SBNO2: variants seen among roughly 807,000 people sequenced by gnomAD.
SBNO2 encodes the protein strawberry notch homolog 2, also known as protein strawberry notch homolog 2.
In SBNO2, 89 loss-of-function variants were observed where a neutral mutation model predicts 146.3. The observed-to-expected ratio is 0.61, with a 90% CI of 0.51 to 0.73. SBNO2 has a LOEUF of 0.73. Among genes scored for constraint, SBNO2 ranks in the 30% least tolerant of loss-of-function variants. The pLI, the probability that SBNO2 is intolerant of heterozygous loss-of-function variation, is 0.00. For missense variants in SBNO2, 2,092 were observed against 2,003.7 expected, an observed-to-expected ratio of 1.04 and a Z score of -0.84; for synonymous variants, 1,147 against 892.6, an observed-to-expected ratio of 1.29 and a Z score of -5.08.
intron 3 of SBNO2, among the ~76,000 whole-genome samples, chr19:1,147,764 C>A (rs2080207333): frequency 2.0e-5 from 3 of 152,120 alleles, no homozygotes; most frequent in Admixed American, 2.0e-4. Context: ...GAACCCCAGC[C>A]TGGCCATCCC....
chr19:1,108,803 T>C lies in SBNO2; in HGVS notation c.3592A>G (p.Thr1198Ala). 6.2e-7 allele frequency: 1 copy of C among 1,603,096 alleles called. No homozygotes were observed. Among genetic ancestry groups the C allele is most frequent in the Non-Finnish European group, 8.5e-7 (1 of 1,178,962 alleles). ...SSYLQIVRLKTKDRKKQVGIK... is the reference protein window; with the variant it reads ...SSYLQIVRLKAKDRKKQVGIK... ...CCCACTTGCTTCTTCCTGTCCTTGG[T>C]CTTCAGCCGCACGATCTGCAGGTAG... The change falls in exon 31 of 32, where the codon ACC becomes GCC. Residue 1198 changes from threonine to alanine, a missense_variant. Transcript: ENST00000361757.
At chr19:1,138,874 C>A (rs1452339968) in intron 4 of SBNO2, among the ~76,000 whole-genome samples, 1 of 151,322 alleles carries the variant, frequency 6.6e-6, no homozygotes, top group East Asian at 1.9e-4. Flanking sequence ...GCCCTCCATG[C>A]GTCCATCACG....
Position 1,125,315 on chromosome 19 carries a change from C to T in SBNO2, c.442-1293G>A, listed in dbSNP as rs1284290547. Among the ~76,000 whole-genome samples the T allele has an allele frequency of 4.1e-5, 6 of 146,920 alleles. No individual in the cohort carries two copies. The East Asian group carries it at 6.0e-4, about 15-fold the overall frequency. ...CAGAGGTTGCAGTGAGCTGAGATCA[C>T]GCCATTGTACTCCAGCCTGGGTGAC... On this transcript the variant is annotated intron_variant, in intron 5 of 31. Transcript: ENST00000361757.
intron 4 of SBNO2, among the ~76,000 whole-genome samples, chr19:1,143,877 C>A (rs2080162120): frequency 6.6e-6 from 1 of 152,218 alleles, no homozygotes; most frequent in South Asian, 2.1e-4. Flanking sequence ...ATCACTCAGT[C>A]CCATCTGCAG....
intron 4 of SBNO2, among the ~76,000 whole-genome samples, chr19:1,134,523 C>T (rs556878600): frequency 6.6e-6 from 1 of 152,312 alleles, no homozygotes; most frequent in South Asian, 2.1e-4. Flanking sequence ...ACCTCACACT[C>T]AGTGAAAGAC....
rs1384381103 is a variant in SBNO2 at position 1,136,803 on chromosome 19, G to A, written c.280-9038C>T. Reference sequence around the variant, plus strand: ...TGAAAGCAGCCAGAGTTTGCAAAGCGCTTTTCTGAGCCGTGAGCTCATCCT... The same window carrying A: ...TGAAAGCAGCCAGAGTTTGCAAAGCACTTTTCTGAGCCGTGAGCTCATCCT... On this transcript the variant is annotated intron_variant, in intron 4 of 31. Coordinates refer to ENST00000361757, the MANE Select transcript of SBNO2 (RefSeq NM_014963.3). The surrounding 1 kb of genome is among the most constrained non-coding windows in gnomAD (Gnocchi z 4.2). Among the ~76,000 whole-genome samples, 4 of 152,136 alleles carry A rather than the reference G, an allele frequency of 2.6e-5. No individual in the cohort carries two copies. Among genetic ancestry groups the A allele is most frequent in the South Asian group, 4.1e-4 (2 of 4,828 alleles).
At chr19:1,135,666 T>C (rs1329115725) in intron 4 of SBNO2, among the ~76,000 whole-genome samples, 1 of 152,334 alleles carries the variant, frequency 6.6e-6, no homozygotes, top group Admixed American at 6.5e-5. Context: ...GCAGCAACGC[T>C]GACCGAGGGC....
chr19:1,147,025 C>T (rs937700509), intron 4 of SBNO2, among the ~76,000 whole-genome samples: 2 of 152,162 alleles, frequency 1.3e-5, no homozygotes, highest in Admixed American at 1.3e-4. Context: ...CCCAGCACCG[C>T]CCTCCCCGCA....
chr19:1,128,677 G>A (rs2079995063), intron 4 of SBNO2, among the ~76,000 whole-genome samples: 1 of 150,630 alleles, frequency 6.6e-6, no homozygotes, highest in African/African-American at 2.4e-5. Flanking sequence ...ACAGGCGTGA[G>A]CCACCGTGTC....
At chr19:1,123,207 G>C (rs1331699234) in intron 7 of SBNO2, among the ~76,000 whole-genome samples, 162 bp from the exon 8 acceptor site, 2 of 151,926 alleles carry the variant, frequency 1.3e-5, no homozygotes, top group African/African-American at 4.8e-5. Flanking sequence ...GGCCAGGAAT[G>C]CCTGGGTGGA....
rs970149540 is a variant in SBNO2 at position 1,108,097 on chromosome 19, A to C, written c.*123T>G. 8.8e-7 allele frequency: 1 copy of C among 1,133,072 alleles called. No individual in the cohort carries two copies. The highest frequency in any genetic ancestry group is 1.2e-6 in the Non-Finnish European group (1 of 865,438). 70.2% of individuals were successfully genotyped at this position (1,133,072 alleles called of 1,614,324 possible). A position where few individuals can be genotyped will look rare whatever the true frequency, so the allele number is the denominator to read the frequency against. On this transcript the variant is annotated 3_prime_UTR_variant, in exon 32 of 32. Coordinates refer to ENST00000361757, the MANE Select transcript of SBNO2 (RefSeq NM_014963.3). ...GGGGCCCGGGTCGGGCGCTGAAGGC[A>C]CTGCGGCCAGGGCCTAGGGCTCCTC...
chr19:1,119,679 G>A, intron 12 of SBNO2, 58 bp from the exon 13 acceptor site: 1 of 1,439,750 alleles, frequency 6.9e-7, no homozygotes, highest in African/African-American at 1.4e-5. Context: ...GGCCGCGTCA[G>A]GGGACGACTA....
At chr19:1,167,411 G>A (rs1432816564) in intron 1 of SBNO2, among the ~76,000 whole-genome samples, 1 of 152,212 alleles carries the variant, frequency 6.6e-6, no homozygotes, top group Non-Finnish European at 1.5e-5. Context: ...CCTGGGCCCT[G>A]GTCTGGGTTC....
In SBNO2 at chr19:1,110,719, C is replaced by T; in HGVS notation, c.3028+26G>A. 2 of 1,612,654 alleles carry T rather than the reference C, an allele frequency of 1.2e-6. No homozygotes were observed. The highest frequency in any genetic ancestry group is 1.7e-6 in the Non-Finnish European group (2 of 1,179,308). On this transcript the variant is annotated intron_variant, in intron 26 of 31. Coordinates refer to ENST00000361757, the MANE Select transcript of SBNO2 (RefSeq NM_014963.3). The surrounding 1 kb of genome is among the most constrained non-coding windows in gnomAD (Gnocchi z 4.9). The stretch of plus-strand genomic sequence containing the variant: ...CGAGCCCCGCACCCACACCCACCCA[C>T]ACCACACCCCGGCACCTGTGCTCAC...
Position 1,147,408 on chromosome 19 carries a change from G to T in SBNO2, c.180C>A (p.Ser60Arg). ...GCTGGCTGCCGAGGAAGGAGGCGGA[G>T]CTCATGAACGGGCTGGAGGGAGATG... ...AFSSDSRPFM[S>R]SASFLGSQPC... The change falls in exon 4 of 32, where the codon AGC becomes AGA. Residue 60 changes from serine to arginine, a missense_variant. Coordinates refer to ENST00000361757, the MANE Select transcript of SBNO2 (RefSeq NM_014963.3). 1 of 1,385,918 alleles carries T rather than the reference G, an allele frequency of 7.2e-7. No individual in the cohort carries two copies. Among genetic ancestry groups the T allele is most frequent in the Non-Finnish European group, 9.6e-7 (1 of 1,042,332 alleles). The allele number at this position is 1,385,918 out of a possible 1,614,324, so 85.9% of individuals were successfully genotyped here.
rs764519794 is a variant in SBNO2, at chr19:1,112,167, A to G, written c.2628+22T>C. On this transcript the variant is annotated intron_variant, in intron 22 of 31. Coordinates refer to ENST00000361757, the MANE Select transcript of SBNO2 (RefSeq NM_014963.3). This position sits in a 1 kb window ranked among gnomAD's most constrained non-coding sequence, Gnocchi z 5.9. ...CTTCCTGGGCCTGTCCCTGGTTCTCAGCCCCACCCCCACCTGCTCACCAGA... is the reference window on the plus strand; with the variant it reads ...CTTCCTGGGCCTGTCCCTGGTTCTCGGCCCCACCCCCACCTGCTCACCAGA... 2 of 1,585,072 alleles carry G rather than the reference A, an allele frequency of 1.3e-6. No homozygotes were observed. The highest frequency in any genetic ancestry group is 1.7e-4 in the Middle Eastern group (1 of 6,028).
In SBNO2 at chr19:1,164,912, CAGG is replaced by C. The variant is rs1176552381; in HGVS notation, c.-127+9257_-127+9259del. Among the ~76,000 whole-genome samples the C allele has an allele frequency of 6.8e-3, 28 of 4,096 alleles. 1 individual carries two copies. The highest frequency in any genetic ancestry group is 0.12 in the Middle Eastern group (1 of 8). The allele number at this position is 4,096 out of a possible 152,430, so 2.7% of individuals were successfully genotyped here. A position where few individuals can be genotyped will look rare whatever the true frequency, so the allele number is the denominator to read the frequency against. ...ACAGGAGGAGGAGGAGGAGGAGGCA[CAGG>C]AGGAGGAGGAGGAGGCACAGGAGGA... On this transcript the variant is annotated intron_variant, in intron 1 of 31. Coordinates refer to ENST00000361757, the MANE Select transcript of SBNO2 (RefSeq NM_014963.3).
At position 1,173,201 on chromosome 19, in the gene SBNO2, G is replaced by T. The variant is rs1275343545; in HGVS notation, c.-127+971C>A. ...ATTCTTCGGGACTCTGGGGTGGTGGGAAGAGTGCCCTACGGGGGACAGGAC... is the reference window on the plus strand; with the variant it reads ...ATTCTTCGGGACTCTGGGGTGGTGGTAAGAGTGCCCTACGGGGGACAGGAC... On this transcript the variant is annotated intron_variant, in intron 1 of 31. Coordinates refer to ENST00000361757, the MANE Select transcript of SBNO2 (RefSeq NM_014963.3). The surrounding 1 kb of genome is among the most constrained non-coding windows in gnomAD (Gnocchi z 4.7). Among the ~76,000 whole-genome samples the T allele has an allele frequency of 6.6e-6, 1 of 152,072 alleles. No individual in the cohort carries two copies.
At chr19:1,159,640 T>C (rs1599877227) in intron 1 of SBNO2, among the ~76,000 whole-genome samples, 1 of 15,272 alleles carries the variant, frequency 6.5e-5, no homozygotes, top group Admixed American at 1.1e-3. Flanking sequence ...CAGCGGGGGA[T>C]GGTGGGGGGA....
Sources: allele counts gnomAD v4.1 joint callset (sites outside exome capture counted in the v4.1 genomes callset), GRCh38; gene constraint gnomAD v4.1.1; non-coding constraint Gnocchi (gnomAD v3.1); transcripts MANE v1.5; gene names NCBI Gene and HGNC (gene_info 2026-07-23, HGNC 2026-07-21).